Variants in UNC13C observed in about 807,000 individuals in gnomAD.
The protein encoded by UNC13C is unc-13 homolog C, also known as protein unc-13 homolog C.
UNC13C carries 174 observed loss-of-function variants against 245.4 expected under a neutral mutation model. That is an observed-to-expected ratio of 0.71 (90% CI 0.63 to 0.80). The LOEUF (loss-of-function observed/expected upper bound fraction) is 0.80. Ranked by LOEUF, UNC13C falls within the 30% of genes least tolerant of loss-of-function variation. The pLI, the probability that UNC13C is intolerant of heterozygous loss-of-function variation, is 0.00. For synonymous variants in UNC13C, 992 were observed against 895.1 expected (o/e 1.11, Z -1.93); for missense variants, 2,829 against 2,602.9 (o/e 1.09, Z -1.89).
intron 4 of UNC13C, among the ~76,000 whole-genome samples, chr15:54,218,234 G>A (rs2035102813): frequency 6.6e-6 from 1 of 151,926 alleles, no homozygotes; most frequent in Non-Finnish European, 1.5e-5. Flanking sequence ...CCACACATGT[G>A]CTGGCAACAC....
intron 19 of UNC13C, among the ~76,000 whole-genome samples, chr15:54,452,365 G>T (rs1053807101): frequency 6.6e-6 from 1 of 152,258 alleles, no homozygotes; most frequent in African/African-American, 2.4e-5. Flanking sequence ...CAATGCTCTG[G>T]TTCCCAAGCC....
intron 17 of UNC13C, among the ~76,000 whole-genome samples, chr15:54,352,553 C>A (rs16974546): frequency 6.6e-6 from 1 of 151,526 alleles, no homozygotes; most frequent in Non-Finnish European, 1.5e-5. Flanking sequence ...GTTCCTGATT[C>A]GTCAGAACAG....
At chr15:54,041,986 G>A (rs999857938) in intron 2 of UNC13C, among the ~76,000 whole-genome samples, 2 of 152,158 alleles carry the variant, frequency 1.3e-5, no homozygotes, top group Non-Finnish European at 2.9e-5. Context: ...GCATGATGGT[G>A]CTGAGGCTTG....
intron 2 of UNC13C, among the ~76,000 whole-genome samples, chr15:54,098,045 T>C (rs1899964576): frequency 6.6e-6 from 1 of 152,120 alleles, no homozygotes; most frequent in Non-Finnish European, 1.5e-5. Flanking sequence ...AGTCCAGAGG[T>C]TAGTAACAAG....
At chr15:53,837,629 A>G in the UNC13C span, 19 of 152,178 alleles carry the variant, frequency 1.2e-4, no homozygotes, top group Non-Finnish European at 2.4e-4. Flanking sequence ...ACCAACTAGC[A>G]CACAGCCAGC....
the UNC13C span, among the ~76,000 whole-genome samples, chr15:53,850,135 G>T: frequency 6.6e-6 from 1 of 152,038 alleles, no homozygotes; most frequent in Non-Finnish European, 1.5e-5. Context: ...TCTAGGGGGC[G>T]CTGGGCATGG....
At position 54,603,254 on chromosome 15, in the gene UNC13C, C is replaced by T. The variant is rs1316743234; in HGVS notation, c.6107-19073C>T. On this transcript the variant is annotated intron_variant, in intron 30 of 32. Transcript: ENST00000260323. ...AAAAATTAGGCTGCCATCTCTCACA[C>T]ATCTTCCTAGAATTCTGTGAAGTAT... Among the ~76,000 whole-genome samples the T allele has an allele frequency of 2.6e-5, 4 of 152,194 alleles. No homozygotes were observed. The East Asian group carries it at 7.7e-4, about 29-fold the overall frequency.
chr15:54,233,547 T>G (rs991922829), intron 4 of UNC13C, among the ~76,000 whole-genome samples: 2 of 152,236 alleles, frequency 1.3e-5, no homozygotes, highest in Non-Finnish European at 2.9e-5. Flanking sequence ...TTTATCTTTA[T>G]TACTACTTTG....
At chr15:54,068,879 G>A (rs930305050) in intron 2 of UNC13C, among the ~76,000 whole-genome samples, 26 of 152,120 alleles carry the variant, frequency 1.7e-4, no homozygotes, top group South Asian at 4.1e-4. Flanking sequence ...ACAGGTCACC[G>A]TGCACAGGGC....
chr15:54,553,129 A>T (rs1896917198), intron 28 of UNC13C, among the ~76,000 whole-genome samples: 2 of 103,736 alleles, frequency 1.9e-5, no homozygotes, highest in African/African-American at 3.9e-5. Context: ...ACAATATATA[A>T]TATATAGTAT....
chr15:54,205,233 C>G (rs184329302), intron 4 of UNC13C, among the ~76,000 whole-genome samples: 61 of 152,004 alleles, frequency 4.0e-4, no homozygotes, highest in African/African-American at 1.4e-3. Flanking sequence ...CCACTCCTCT[C>G]CCATTTGTTA....
chr15:53,952,985 T>G, the UNC13C span, among the ~76,000 whole-genome samples: 3 of 152,174 alleles, frequency 2.0e-5, no homozygotes, highest in Non-Finnish European at 4.4e-5. Context: ...TTATGTGAAG[T>G]GTACAGAGTG....
intron 17 of UNC13C, among the ~76,000 whole-genome samples, chr15:54,373,596 CA>C (rs1288569578): frequency 3.9e-5 from 6 of 152,186 alleles, no homozygotes; most frequent in African/African-American, 1.4e-4. Context: ...CACCAGGGAA[CA>C]TGGTGGTGCC....
the UNC13C span, among the ~76,000 whole-genome samples, chr15:53,889,407 C>G: frequency 6.6e-6 from 1 of 152,140 alleles, no homozygotes; most frequent in Non-Finnish European, 1.5e-5. Flanking sequence ...GATTTTGTAT[C>G]CTGAGACTTG....
chr15:53,890,140 CT>C, the UNC13C span, among the ~76,000 whole-genome samples: 904 of 145,256 alleles, frequency 6.2e-3, 6 homozygotes, highest in Non-Finnish European at 8.1e-3. Flanking sequence ...ACCAGCGCCT[CT>C]TTTTTTTTTT....
chr15:54,332,317 G>C (rs1292328062), intron 15 of UNC13C, among the ~76,000 whole-genome samples: 4 of 151,400 alleles, frequency 2.6e-5, no homozygotes, highest in African/African-American at 9.7e-5. Flanking sequence ...GTGTGTGTGT[G>C]TGTGTGTGTG....
rs1250275046 is a variant in UNC13C, at chr15:54,628,568, A to G, written c.*1455A>G. 4 of 152,708 alleles carry G rather than the reference A, an allele frequency of 2.6e-5. No homozygotes were observed. The highest frequency in any genetic ancestry group is 5.9e-5 in the Non-Finnish European group (4 of 68,026). The allele number at this position is 152,708 out of a possible 1,614,324, so 9.5% of individuals were successfully genotyped here. Reference sequence around the variant, plus strand: ...GCATAGTGTGATGCGATCCTCTGGCATATGCTTTAATAAATGGATGTATAT... The same window carrying G: ...GCATAGTGTGATGCGATCCTCTGGCGTATGCTTTAATAAATGGATGTATAT... On this transcript the variant is annotated 3_prime_UTR_variant, in exon 33 of 33. Transcript: ENST00000260323.
intron 7 of UNC13C, among the ~76,000 whole-genome samples, chr15:54,241,167 A>T (rs900153251): frequency 1.3e-5 from 2 of 152,168 alleles, no homozygotes; most frequent in Non-Finnish European, 2.9e-5. Flanking sequence ...ATGACTAAGC[A>T]TAAGAGGGAT....
chr15:54,452,605 G>A (rs1282083372), intron 19 of UNC13C, among the ~76,000 whole-genome samples: 1 of 152,214 alleles, frequency 6.6e-6, no homozygotes, highest in South Asian at 2.1e-4. Flanking sequence ...AGAAAGCCAG[G>A]TTGGGAAAAC....
Sources: gnomAD v4.1 joint callset for allele counts (sites outside exome capture counted in the v4.1 genomes callset) on GRCh38, gnomAD v4.1.1 for gene constraint, MANE v1.5 for transcripts, NCBI Gene and HGNC (gene_info 2026-07-23, HGNC 2026-07-21) for gene names.